Variants in E2F6 observed in about 807,000 individuals in gnomAD.
E2F6 encodes E2F transcription factor 6, also known as transcription factor E2F6.
In E2F6, 19 loss-of-function variants were observed where a neutral mutation model predicts 31.5. The ratio of observed to expected loss-of-function variants is 0.60; its 90% CI spans 0.42 to 0.89. The LOEUF (loss-of-function observed/expected upper bound fraction) is 0.89. Ranked by LOEUF, E2F6 falls within the 40% of genes least tolerant of loss-of-function variation. The pLI is 0.00. For missense variants in E2F6, 269 were observed against 341.6 expected (o/e 0.79, Z 1.67); for synonymous variants, 121 against 127.7 (o/e 0.95, Z 0.36).
intron 5 of E2F6, among the ~76,000 whole-genome samples, chr2:11,449,413 T>C (rs1471194762): frequency 1.3e-5 from 2 of 152,224 alleles, no homozygotes; most frequent in Non-Finnish European, 2.9e-5. Context: ...TGAGGATGTG[T>C]CCCAAGAATG....
Position 11,446,466 on chromosome 2 carries a change from C to A in E2F6, c.*11G>T, listed in dbSNP as rs781333322. ...CAAAAAACTCAGTGATACATAAATT[C>A]TCAAATGCCATCAGTTGCTTACTTC... On this transcript the variant is annotated 3_prime_UTR_variant, in exon 7 of 7. Coordinates refer to ENST00000381525, the MANE Select transcript of E2F6 (RefSeq NM_198256.4). 6.2e-7 allele frequency: 1 copy of A among 1,600,848 alleles called. No homozygotes were observed. The highest frequency in any genetic ancestry group is 8.5e-7 in the Non-Finnish European group (1 of 1,170,696).
intron 3 of E2F6, among the ~76,000 whole-genome samples, chr2:11,452,203 G>A (rs1671113550): frequency 6.6e-6 from 1 of 152,140 alleles, no homozygotes; most frequent in South Asian, 2.1e-4. Flanking sequence ...GAAAACATAG[G>A]GTGGGCTAAA....
chr2:11,464,510 T>C (rs184891385), intron 1 of E2F6, among the ~76,000 whole-genome samples: 1,411 of 127,840 alleles, frequency 0.011, 4 homozygotes, highest in Middle Eastern at 0.033. Context: ...GAGCAAGACT[T>C]CGTCACCAAA....
intron 1 of E2F6, 104 bp downstream of exon 1, chr2:11,465,668 A>T: frequency 8.5e-7 from 1 of 1,180,484 alleles, no homozygotes; most frequent in Non-Finnish European, 1.2e-6. Flanking sequence ...GCCCAGGGGG[A>T]GCAGACGACC....
intron 3 of E2F6, among the ~76,000 whole-genome samples, chr2:11,452,511 G>A (rs374191028): frequency 1.3e-5 from 2 of 152,060 alleles, no homozygotes; most frequent in East Asian, 1.9e-4. Flanking sequence ...GGCTGAGGCA[G>A]GAGAATCACT....
intron 6 of E2F6, 74 bp from the exon 7 acceptor site, chr2:11,446,597 AAAG>A: frequency 1.6e-6 from 2 of 1,256,134 alleles, no homozygotes; most frequent in East Asian, 2.4e-5. Context: ...CAAATACGTA[AAAG>A]AATACACAAT....
chr2:11,454,186 G>A (rs1370097708), intron 2 of E2F6, among the ~76,000 whole-genome samples: 1 of 152,102 alleles, frequency 6.6e-6, no homozygotes, highest in East Asian at 1.9e-4. Context: ...TCAAGTTAAG[G>A]AATTCTTTAC....
At chr2:11,458,464 A>C in intron 1 of E2F6, 6 of 1,099,144 alleles carry the variant, frequency 5.5e-6, no homozygotes, top group Non-Finnish European at 8.1e-6. Context: ...CCAGTGTGTA[A>C]GTGACTTGAC....
At chr2:11,462,568 T>C (rs916444162) in intron 1 of E2F6, among the ~76,000 whole-genome samples, 1 of 152,162 alleles carries the variant, frequency 6.6e-6, no homozygotes, top group African/African-American at 2.4e-5. Flanking sequence ...ATCAATTCTC[T>C]TCAGCATACT....
In E2F6 at chr2:11,446,488, C is replaced by T. The variant is rs950463205; in HGVS notation, c.835G>A (p.Val279Ile). Residue 279 changes from valine to isoleucine, a missense_variant, in exon 7 of 7, where the codon GTA becomes ATA. Val to Ile is a conservative substitution (Grantham distance 29, BLOSUM62 3). Transcript: ENST00000381525. ...NPQQSEELLE[V>I]SN is the part of the protein sequence containing the mutation. ...ATTCTCAAATGCCATCAGTTGCTTA[C>T]TTCAAGCAATTCTTCACTTTGCTGA... 1 of 1,612,654 alleles carries T rather than the reference C, an allele frequency of 6.2e-7. No homozygotes were observed. The highest frequency in any genetic ancestry group is 1.3e-5 in the African/African-American group (1 of 75,004).
At chr2:11,448,708 T>C (rs1670875496) in intron 5 of E2F6, among the ~76,000 whole-genome samples, 1 of 152,218 alleles carries the variant, frequency 6.6e-6, no homozygotes, top group South Asian at 2.1e-4. Context: ...AACATTCCAC[T>C]AAATTAAGTG....
intron 3 of E2F6, among the ~76,000 whole-genome samples, chr2:11,453,241 T>C (rs1049858652): frequency 2.0e-5 from 3 of 152,120 alleles, no homozygotes; most frequent in Non-Finnish European, 4.4e-5. Context: ...CTGGGCTACC[T>C]GTTGAGAATG....
At position 11,465,773 on chromosome 2, in the gene E2F6, A is replaced by T. The variant is rs933516776; in HGVS notation, c.107T>A (p.Leu36Gln). The T allele has an allele frequency of 2.3e-5, 36 of 1,591,866 alleles. No homozygotes were observed. The highest frequency in any genetic ancestry group is 4.0e-5 in the African/African-American group (3 of 74,536). Residue 36 changes from leucine (L) to glutamine (Q), a missense_variant and splice_region_variant, in exon 1 of 7, where the codon CTG becomes CAG. Coordinates refer to ENST00000381525, the MANE Select transcript of E2F6 (RefSeq NM_198256.4). ...CRDPINVEGL[L>Q]PSKIRINLED... Reference sequence around the variant, plus strand: ...TCCCCGTCCCGTCCCGGAGCTTACCAGCAGGCCCTCCACGTTGATGGGGTC... The same window carrying T: ...TCCCCGTCCCGTCCCGGAGCTTACCTGCAGGCCCTCCACGTTGATGGGGTC...
chr2:11,464,226 G>C (rs566602497), intron 1 of E2F6, among the ~76,000 whole-genome samples: 2 of 152,234 alleles, frequency 1.3e-5, no homozygotes, highest in Non-Finnish European at 2.9e-5. Flanking sequence ...AGTGGAAACA[G>C]TGAGTGTAAA....
intron 2 of E2F6, among the ~76,000 whole-genome samples, chr2:11,454,142 CAT>C (rs1558456226): frequency 6.6e-6 from 1 of 152,312 alleles, no homozygotes; most frequent in South Asian, 2.1e-4. Flanking sequence ...TAGAATTACA[CAT>C]GATTTTTAAA....
At chr2:11,456,483 A>G (rs1305306237) in intron 2 of E2F6, among the ~76,000 whole-genome samples, 1 of 152,218 alleles carries the variant, frequency 6.6e-6, no homozygotes, top group Non-Finnish European at 1.5e-5. Context: ...CCTGACTCTG[A>G]GCAACTCACC....
chr2:11,453,654 A>G lies in E2F6; in HGVS notation c.308T>C (p.Val103Ala), dbSNP rs1671212403. The G allele has an allele frequency of 1.9e-6, 3 of 1,613,886 alleles. No homozygotes were observed. Among genetic ancestry groups the G allele is most frequent in the Non-Finnish European group, 1.7e-6 (2 of 1,180,014 alleles). The change falls in exon 3 of 7, where the codon GTG becomes GCG. Residue 103 changes from valine to alanine, a missense_variant. Val to Ala is a moderately conservative substitution (Grantham distance 64). Transcript: ENST00000381525. ...ATCTAAGACATTGGTGATGTCATACACTCTCCGCTTTCGGACTCCCAGTTT... is the reference window on the plus strand; with the variant it reads ...ATCTAAGACATTGGTGATGTCATACGCTCTCCGCTTTCGGACTCCCAGTTT... ...ATKLGVRKRR[V>A]YDITNVLDGI...
intron 1 of E2F6, among the ~76,000 whole-genome samples, chr2:11,459,897 A>G (rs1432565094): frequency 6.6e-6 from 1 of 151,902 alleles, no homozygotes; most frequent in African/African-American, 2.4e-5. Flanking sequence ...AAAAAAAAAG[A>G]TGATAAATAG....
At chr2:11,451,460 C>G (rs1008473507) in intron 4 of E2F6, 191 bp downstream of exon 4, 1 of 442,558 alleles carries the variant, frequency 2.3e-6, no homozygotes, top group Non-Finnish European at 3.8e-6. Flanking sequence ...AAGCGATTCT[C>G]CTGCCTCAGC....
Sources: gnomAD v4.1 joint callset for allele counts (sites outside exome capture counted in the v4.1 genomes callset) on GRCh38, gnomAD v4.1.1 for gene constraint, MANE v1.5 for transcripts, NCBI Gene and HGNC (gene_info 2026-07-23, HGNC 2026-07-21) for gene names.